The following PDE10A variants were observed in gnomAD, a reference collection of about 807,000 sequenced individuals.
PDE10A encodes the protein phosphodiesterase 10A.
In PDE10A, 39 loss-of-function variants were observed where a neutral mutation model predicts 97.7. That is an observed-to-expected ratio of 0.40 (90% CI 0.31 to 0.52). The LOEUF (loss-of-function observed/expected upper bound fraction) is 0.52. Ranked by LOEUF, PDE10A falls within the 20% of genes least tolerant of loss-of-function variation. The pLI is 0.56. For synonymous variants in PDE10A, 371 were observed against 376.8 expected (o/e 0.98, Z 0.18); for missense variants, 731 against 1,047.8 (o/e 0.70, Z 4.17).
intron 1 of PDE10A, among the ~76,000 whole-genome samples, chr6:165,738,503 T>C (rs1200854616): frequency 6.6e-6 from 1 of 151,680 alleles, no homozygotes; most frequent in Non-Finnish European, 1.5e-5. Flanking sequence ...AGCAGCATGA[T>C]TTATAGTCCT....
At chr6:165,918,543 T>TCA (rs1782668853) in intron 1 of PDE10A, among the ~76,000 whole-genome samples, 1 of 152,258 alleles carries the variant, frequency 6.6e-6, no homozygotes, top group Non-Finnish European at 1.5e-5. Context: ...ACAACTATTT[T>TCA]CACAGAATTG....
chr6:165,890,540 G>A lies in PDE10A; in HGVS notation c.-615+96989C>T, dbSNP rs571235403. Among the ~76,000 whole-genome samples the A allele has an allele frequency of 8.5e-5, 13 of 152,250 alleles. No individual in the cohort carries two copies. The South Asian group carries it at 2.7e-3, about 32-fold the overall frequency. On this transcript the variant is annotated intron_variant, in intron 1 of 19. Coordinates refer to the PDE10A transcript ENST00000366882. Reference sequence around the variant, plus strand: ...CAGCACCGACTGACCCTCTGCTTATGACAAAAACATTACCGCCAGAGTTAC... The same window carrying A: ...CAGCACCGACTGACCCTCTGCTTATAACAAAAACATTACCGCCAGAGTTAC...
At chr6:165,960,165 G>A (rs1364716232) in intron 1 of PDE10A, among the ~76,000 whole-genome samples, 1 of 151,966 alleles carries the variant, frequency 6.6e-6, no homozygotes, top group Non-Finnish European at 1.5e-5. Context: ...AGCAAGAACA[G>A]GTAAAATCAA....
At chr6:165,571,167 G>A (rs981357255) in intron 1 of PDE10A, among the ~76,000 whole-genome samples, 1 of 152,114 alleles carries the variant, frequency 6.6e-6, no homozygotes, top group Non-Finnish European at 1.5e-5. Context: ...TCCCATCTAC[G>A]ACACTTATAT....
chr6:165,871,238 GA>G (rs1781196520), intron 1 of PDE10A, among the ~76,000 whole-genome samples: 1 of 152,188 alleles, frequency 6.6e-6, no homozygotes, highest in Non-Finnish European at 1.5e-5. Context: ...ATCAAGAAAA[GA>G]GGAAAAGGAA....
intron 1 of PDE10A, among the ~76,000 whole-genome samples, chr6:165,804,143 C>G (rs973022734): frequency 6.6e-6 from 1 of 152,156 alleles, no homozygotes; most frequent in Non-Finnish European, 1.5e-5. Flanking sequence ...TATAAGTGAA[C>G]AACACATCGG....
chr6:165,405,840 C>T (rs1787097860), intron 13 of PDE10A, among the ~76,000 whole-genome samples: 1 of 152,074 alleles, frequency 6.6e-6, no homozygotes, highest in Admixed American at 6.6e-5. Flanking sequence ...GCAGAGCAGG[C>T]GCTTTTGGAA....
intron 1 of PDE10A, among the ~76,000 whole-genome samples, chr6:165,894,830 A>T (rs925515162): frequency 3.9e-5 from 6 of 152,370 alleles, no homozygotes; most frequent in African/African-American, 1.4e-4. Flanking sequence ...ATACCACAAG[A>T]AATAAAAACC....
At chr6:165,837,775 TC>T (rs1780107202) in intron 1 of PDE10A, among the ~76,000 whole-genome samples, 1 of 141,764 alleles carries the variant, frequency 7.1e-6, no homozygotes, top group South Asian at 2.5e-4. Context: ...AAGCTCCGCC[TC>T]CCAGGTTCAT....
At chr6:165,346,442 T>C (rs538415946) in intron 18 of PDE10A, among the ~76,000 whole-genome samples, 1 of 152,176 alleles carries the variant, frequency 6.6e-6, no homozygotes, top group African/African-American at 2.4e-5. Context: ...CCGACTGCCA[T>C]GTATTAATTA....
intron 2 of PDE10A, among the ~76,000 whole-genome samples, chr6:165,542,849 A>T (rs970029797): frequency 6.6e-6 from 1 of 151,220 alleles, no homozygotes; most frequent in South Asian, 2.1e-4. Flanking sequence ...CGATCTCCTG[A>T]CCTCGTGATC....
At chr6:165,554,503 AC>A (rs1205259400) in intron 1 of PDE10A, among the ~76,000 whole-genome samples, 6 of 152,166 alleles carry the variant, frequency 3.9e-5, no homozygotes, top group African/African-American at 1.4e-4. Context: ...TATTCAAAAG[AC>A]AAGCAATAGC....
intron 1 of PDE10A, among the ~76,000 whole-genome samples, chr6:165,907,215 G>C (rs1440010218): frequency 6.6e-6 from 1 of 152,228 alleles, no homozygotes; most frequent in East Asian, 1.9e-4. Context: ...CAGAGTCCTG[G>C]TGCAGTGCAG....
intron 2 of PDE10A, among the ~76,000 whole-genome samples, chr6:165,503,427 T>C (rs1406097032): frequency 6.6e-6 from 1 of 152,016 alleles, no homozygotes; most frequent in Non-Finnish European, 1.5e-5. Context: ...ATTCTGGCAA[T>C]AGGGAGTTTT....
intron 1 of PDE10A, among the ~76,000 whole-genome samples, chr6:165,752,499 TTA>T (rs758402783): frequency 9.9e-5 from 15 of 152,244 alleles, no homozygotes; most frequent in Non-Finnish European, 2.2e-4. Context: ...AGATAATTTG[TTA>T]TGTTTGGGAT....
chr6:165,582,418 T>A (rs73786655), intron 1 of PDE10A, among the ~76,000 whole-genome samples: 236 of 152,318 alleles, frequency 1.5e-3, no homozygotes, highest in African/African-American at 5.5e-3. Context: ...GTCGATTTAA[T>A]AACAGGACTG....
chr6:165,809,655 G>A (rs1291717971), intron 1 of PDE10A, among the ~76,000 whole-genome samples: 1 of 152,164 alleles, frequency 6.6e-6, no homozygotes, highest in African/African-American at 2.4e-5. Context: ...AAAGCCTAGT[G>A]AGTGCTTAGT....
chr6:165,942,964 T>C (rs564609012), intron 1 of PDE10A, among the ~76,000 whole-genome samples: 5 of 151,686 alleles, frequency 3.3e-5, no homozygotes, highest in South Asian at 2.1e-4. Context: ...AGAAGCCAGG[T>C]GAATGTAATA....
chr6:165,631,121 AT>A (rs1788609382), intron 1 of PDE10A, among the ~76,000 whole-genome samples: 1 of 152,212 alleles, frequency 6.6e-6, no homozygotes, highest in South Asian at 2.1e-4. Flanking sequence ...ACCATGTGGC[AT>A]TTTGCATTGC....
Sources: allele counts gnomAD v4.1 joint callset (sites outside exome capture counted in the v4.1 genomes callset), GRCh38; gene constraint gnomAD v4.1.1; transcripts MANE v1.5; gene names NCBI Gene and HGNC (gene_info 2026-07-23, HGNC 2026-07-21).